Variants in TBC1D14 observed in about 807,000 individuals in gnomAD.
TBC1D14 encodes TBC1 domain family, member 14.
Under a neutral mutation model 79.0 loss-of-function variants are expected in TBC1D14, and 26 were observed. The observed-to-expected ratio is 0.33, with a 90% CI of 0.24 to 0.46. The LOEUF is 0.46. Ranked by LOEUF, TBC1D14 falls within the 20% of genes least tolerant of loss-of-function variation. The pLI is 1.00. For missense variants in TBC1D14, 769 were observed against 887.6 expected, an observed-to-expected ratio of 0.87 and a Z score of 1.70; for synonymous variants, 394 against 349.9, an observed-to-expected ratio of 1.13 and a Z score of -1.40.
intron 5 of TBC1D14, among the ~76,000 whole-genome samples, chr4:6,997,644 TATATAAC>T (rs775604980): frequency 1.3e-5 from 2 of 151,978 alleles, no homozygotes; most frequent in Non-Finnish European, 2.9e-5. Context: ...ATAATAAAAA[TATATAAC>T]AATGTGGTGT....
intron 1 of TBC1D14, chr4:6,910,523 G>C (rs997771284): frequency 6.6e-6 from 1 of 152,146 alleles, no homozygotes; most frequent in African/African-American, 2.4e-5. Flanking sequence ...CTCTGCCTCC[G>C]CCTTGGAGCC....
intron 11 of TBC1D14, 36 bp from the exon 12 acceptor site, chr4:7,014,412 G>A: frequency 1.4e-6 from 2 of 1,426,636 alleles, no homozygotes; most frequent in Non-Finnish European, 2.0e-6. Flanking sequence ...AACTTGTGCA[G>A]ATAGTTTCTG....
At chr4:7,007,211 A>G (rs1390928778) in intron 9 of TBC1D14, among the ~76,000 whole-genome samples, 1 of 152,168 alleles carries the variant, frequency 6.6e-6, no homozygotes, top group Non-Finnish European at 1.5e-5. Flanking sequence ...GTTTCTGAGC[A>G]GGTAGACCAG....
At chr4:6,913,019 G>T (rs147063288) in intron 1 of TBC1D14, among the ~76,000 whole-genome samples, 2 of 152,128 alleles carry the variant, frequency 1.3e-5, no homozygotes. Flanking sequence ...TTGAGACAGC[G>T]TTTCGCTCTT....
intron 3 of TBC1D14, among the ~76,000 whole-genome samples, chr4:6,988,885 C>CTTTCTTTCTTTT (rs748889966): frequency 1.3e-5 from 1 of 76,808 alleles, no homozygotes; most frequent in African/African-American, 5.5e-5. Context: ...TTCTTTCTTT[C>CTTTCTTTCTTTT]TTTTTTTTTT....
intron 12 of TBC1D14, among the ~76,000 whole-genome samples, chr4:7,022,980 G>T (rs774034176): frequency 6.6e-6 from 1 of 152,136 alleles, no homozygotes; most frequent in African/African-American, 2.4e-5. Flanking sequence ...TTTTGGCTGG[G>T]CGTGGTGGCT....
At chr4:7,018,954 G>GTTAGCGTTTCTGAAATTATGT (rs1246635258) in intron 12 of TBC1D14, among the ~76,000 whole-genome samples, 7 of 152,194 alleles carry the variant, frequency 4.6e-5, no homozygotes, top group Admixed American at 2.0e-4. Context: ...CCATGTTATG[G>GTTAGCGTTTCTGAAATTATGT]TTAGCGTTTC....
rs745850476 is a variant in TBC1D14 at position 6,923,567 on chromosome 4, A to G, written c.178A>G (p.Ser60Gly). ...ACTCAGGGCTTTAGAAGACCGGCAC[A>G]GCCTCCAGTCCGTGGACTCGGGGAT... Reference protein sequence around the residue: ...LKLRALEDRHSLQSVDSGIPT... With the variant: ...LKLRALEDRHGLQSVDSGIPT... The change falls in exon 2 of 14, where the codon AGC becomes GGC. Residue 60 changes from serine to glycine, a missense_variant. By Grantham distance (56) the Ser-to-Gly change is moderately conservative. Transcript: ENST00000409757. 8 of 1,614,040 alleles carry G rather than the reference A, an allele frequency of 5.0e-6. No homozygotes were observed. The highest frequency in any genetic ancestry group is 3.4e-6 in the Non-Finnish European group (4 of 1,180,044).
chr4:6,996,902 T>G (rs897841874), intron 5 of TBC1D14: 1 of 152,330 alleles, frequency 6.6e-6, no homozygotes, highest in Non-Finnish European at 1.5e-5. Flanking sequence ...ACGACACGTA[T>G]ATTTCTTTCC....
intron 3 of TBC1D14, among the ~76,000 whole-genome samples, chr4:6,979,945 G>A (rs1188252197): frequency 6.6e-6 from 1 of 152,130 alleles, no homozygotes; most frequent in Non-Finnish European, 1.5e-5. Flanking sequence ...AAATGGACAC[G>A]TCCACATTTA....
chr4:6,974,127 T>C (rs1716498578), intron 3 of TBC1D14, among the ~76,000 whole-genome samples: 1 of 152,034 alleles, frequency 6.6e-6, no homozygotes, highest in Non-Finnish European at 1.5e-5. Flanking sequence ...ATTACAGACA[T>C]GAGCCGCTGC....
intron 2 of TBC1D14, among the ~76,000 whole-genome samples, chr4:6,948,356 T>G (rs1043148552): frequency 6.6e-6 from 1 of 152,206 alleles, no homozygotes; most frequent in Non-Finnish European, 1.5e-5. Flanking sequence ...TTATGCCCTC[T>G]CATGTCTGGC....
At chr4:6,912,731 T>G (rs1723104421) in intron 1 of TBC1D14, among the ~76,000 whole-genome samples, 1 of 152,238 alleles carries the variant, frequency 6.6e-6, no homozygotes, top group Non-Finnish European at 1.5e-5. Flanking sequence ...TTTCCAGGGC[T>G]TTCCCTGTGC....
At chr4:7,012,319 A>G (rs1720864086) in intron 11 of TBC1D14, among the ~76,000 whole-genome samples, 1 of 142,192 alleles carries the variant, frequency 7.0e-6, no homozygotes, top group African/African-American at 2.6e-5. Flanking sequence ...AAAAAAAAAA[A>G]AGTTGTTGGT....
At chr4:6,960,355 A>G (rs965210361) in intron 2 of TBC1D14, among the ~76,000 whole-genome samples, 13 of 150,968 alleles carry the variant, frequency 8.6e-5, no homozygotes, top group African/African-American at 3.2e-4. Context: ...GCCTCCCAAC[A>G]TGCTGGGATA....
chr4:6,938,767 C>T (rs572102239), intron 2 of TBC1D14, among the ~76,000 whole-genome samples: 1 of 152,358 alleles, frequency 6.6e-6, no homozygotes, highest in Admixed American at 6.5e-5. Context: ...ACCCAGGGGG[C>T]ACAGGAGAGA....
At chr4:6,953,972 G>C (rs1031114015) in intron 2 of TBC1D14, among the ~76,000 whole-genome samples, 2 of 152,160 alleles carry the variant, frequency 1.3e-5, no homozygotes, top group South Asian at 2.1e-4. Flanking sequence ...CCGAGGTCCC[G>C]GTGGGTTTTG....
chr4:7,000,182 C>T (rs1374791361), intron 6 of TBC1D14, among the ~76,000 whole-genome samples: 1 of 152,094 alleles, frequency 6.6e-6, no homozygotes, highest in Non-Finnish European at 1.5e-5. Flanking sequence ...GTAACAAGGA[C>T]AGAGGTTCTC....
chr4:6,911,273 GGT>G (rs1165029017), intron 1 of TBC1D14, among the ~76,000 whole-genome samples: 1 of 152,180 alleles, frequency 6.6e-6, no homozygotes, highest in Non-Finnish European at 1.5e-5. Flanking sequence ...GCATGAACTT[GGT>G]GCTCAGGGTC....
Sources: gnomAD v4.1 joint callset for allele counts (sites outside exome capture counted in the v4.1 genomes callset) on GRCh38, gnomAD v4.1.1 for gene constraint, MANE v1.5 for transcripts, NCBI Gene and HGNC (gene_info 2026-07-23, HGNC 2026-07-21) for gene names.